Variants in SLC35D1 observed in about 807,000 individuals in gnomAD.
SLC35D1 encodes the protein solute carrier family 35 member D1, also known as nucleotide sugar transporter SLC35D1.
In SLC35D1, 31 loss-of-function variants were observed where a neutral mutation model predicts 46.7. The observed-to-expected ratio is 0.66, with a 90% CI of 0.50 to 0.90. The LOEUF is 0.90. Among genes scored for constraint, SLC35D1 ranks in the 40% least tolerant of loss-of-function variants. The pLI, the probability that SLC35D1 is intolerant of heterozygous loss-of-function variation, is 0.00. For missense variants in SLC35D1, 397 were observed against 426.2 expected, an observed-to-expected ratio of 0.93 and a Z score of 0.60; for synonymous variants, 195 against 164.6, an observed-to-expected ratio of 1.18 and a Z score of -1.41.
intron 11 of SLC35D1, among the ~76,000 whole-genome samples, chr1:67,008,618 C>CA (rs1472043918): frequency 6.6e-6 from 1 of 152,172 alleles, no homozygotes; most frequent in Admixed American, 6.6e-5. Context: ...AAGGCAAACA[C>CA]AGTCTACTTC....
chr1:67,010,748 G>C (rs993980545), intron 10 of SLC35D1, among the ~76,000 whole-genome samples: 1 of 152,072 alleles, frequency 6.6e-6, no homozygotes, highest in Non-Finnish European at 1.5e-5. Context: ...TTTGGAGCAA[G>C]CATTTTGGAT....
At chr1:67,023,146 G>T (rs1034281144) in intron 8 of SLC35D1, among the ~76,000 whole-genome samples, 1 of 152,130 alleles carries the variant, frequency 6.6e-6, no homozygotes, top group Non-Finnish European at 1.5e-5. Context: ...TCCGTTACAA[G>T]TCTCCCAACT....
chr1:67,026,507 G>A (rs901609402), intron 8 of SLC35D1, among the ~76,000 whole-genome samples: 1 of 151,920 alleles, frequency 6.6e-6, no homozygotes. Flanking sequence ...TCTATTTTCT[G>A]GAAGAATTTA....
At chr1:66,975,007 A>AT in the SLC35D1 span, among the ~76,000 whole-genome samples, 6 of 152,064 alleles carry the variant, frequency 3.9e-5, no homozygotes, top group African/African-American at 4.8e-5. Flanking sequence ...TGAGAGGATG[A>AT]TTTTTTTTAA....
At chr1:67,053,658 C>G (rs968471125) in intron 1 of SLC35D1, among the ~76,000 whole-genome samples, 153 bp downstream of exon 1, 16 of 151,846 alleles carry the variant, frequency 1.1e-4, no homozygotes, top group African/African-American at 3.9e-4. Flanking sequence ...CTCCGCTGCC[C>G]GGGCCGCGCG....
At chr1:67,033,661 T>G (rs1172651434) in intron 8 of SLC35D1, among the ~76,000 whole-genome samples, 1 of 152,214 alleles carries the variant, frequency 6.6e-6, no homozygotes, top group Non-Finnish European at 1.5e-5. Flanking sequence ...GACTGTTGTT[T>G]TCTTCACTGT....
chr1:66,996,345 TG>T (rs1472527789), downstream of SLC35D1, among the ~76,000 whole-genome samples: 2 of 152,184 alleles, frequency 1.3e-5, no homozygotes, highest in Non-Finnish European at 2.9e-5. Context: ...GGGTGAACAA[TG>T]AATGAAAAAT....
At chr1:67,021,790 TAG>T (rs1332777030) in intron 8 of SLC35D1, among the ~76,000 whole-genome samples, 188 bp from the exon 9 acceptor site, 1 of 149,280 alleles carries the variant, frequency 6.7e-6, no homozygotes, top group Non-Finnish European at 1.5e-5. Context: ...ACTCCAAGGA[TAG>T]AGAGTGATGT....
intron 4 of SLC35D1, among the ~76,000 whole-genome samples, chr1:67,051,554 G>A (rs951900084): frequency 2.6e-5 from 4 of 152,060 alleles, no homozygotes; most frequent in African/African-American, 9.7e-5. Context: ...TTTTTATCAG[G>A]GTTCTAGCTG....
intron 11 of SLC35D1, among the ~76,000 whole-genome samples, chr1:67,005,829 C>T (rs549926999): frequency 5.1e-4 from 78 of 152,282 alleles, no homozygotes; most frequent in African/African-American, 1.9e-3. Context: ...AGTTATCCAT[C>T]CTCACTCTGT....
At chr1:66,978,377 A>G in the SLC35D1 span, among the ~76,000 whole-genome samples, 2 of 152,162 alleles carry the variant, frequency 1.3e-5, no homozygotes. Flanking sequence ...AATGGGTATG[A>G]TTCACCCTTG....
chr1:67,012,279 C>T (rs1298539604), intron 10 of SLC35D1, among the ~76,000 whole-genome samples: 1 of 152,172 alleles, frequency 6.6e-6, no homozygotes, highest in Non-Finnish European at 1.5e-5. Context: ...TGGTACCCCA[C>T]ATATCTGTGG....
At chr1:66,986,163 T>C in the SLC35D1 span, 1 of 1,206,414 alleles carries the variant, frequency 8.3e-7, no homozygotes, top group South Asian at 3.0e-5. Context: ...TTTCAAACTT[T>C]TCTAGTTACA....
the SLC35D1 span, among the ~76,000 whole-genome samples, chr1:66,992,771 G>T: frequency 6.6e-6 from 1 of 152,204 alleles, no homozygotes; most frequent in African/African-American, 2.4e-5. Flanking sequence ...CACCCTTTGG[G>T]TTTATTTGGC....
the SLC35D1 span, among the ~76,000 whole-genome samples, chr1:66,988,867 G>A: frequency 6.6e-6 from 1 of 152,094 alleles, no homozygotes; most frequent in Non-Finnish European, 1.5e-5. Context: ...TCAGAGATGC[G>A]GCATGCCCTG....
At chr1:67,015,618 G>A (rs1191949991) in intron 10 of SLC35D1, among the ~76,000 whole-genome samples, 1 of 152,120 alleles carries the variant, frequency 6.6e-6, no homozygotes, top group Non-Finnish European at 1.5e-5. Flanking sequence ...AAAACTCCTG[G>A]CCTCAAATGA....
downstream of SLC35D1, among the ~76,000 whole-genome samples, chr1:66,996,232 T>C (rs1667237257): frequency 6.6e-6 from 1 of 152,248 alleles, no homozygotes; most frequent in African/African-American, 2.4e-5. Context: ...AAAGCAGGTG[T>C]TGCCACAAGA....
chr1:66,975,721 C>T, the SLC35D1 span, among the ~76,000 whole-genome samples: 10 of 152,212 alleles, frequency 6.6e-5, no homozygotes, highest in Admixed American at 2.6e-4. Context: ...TTCAGTTGCA[C>T]AAATAGGTAC....
intron 1 of SLC35D1, 50 bp from the exon 2 acceptor site, chr1:67,053,039 C>T (rs373426493): frequency 3.7e-6 from 6 of 1,605,424 alleles, no homozygotes; most frequent in Non-Finnish European, 5.1e-6. Flanking sequence ...CCTAACTTAG[C>T]TCCGTGAATT....
Sources: gnomAD v4.1 joint callset for allele counts (sites outside exome capture counted in the v4.1 genomes callset) on GRCh38, gnomAD v4.1.1 for gene constraint, MANE v1.5 for transcripts, NCBI Gene and HGNC (gene_info 2026-07-23, HGNC 2026-07-21) for gene names.